DCLK1: variants seen among roughly 807,000 people sequenced by gnomAD.
The protein encoded by DCLK1 is serine/threonine-protein kinase DCLK1.
DCLK1 carries 16 observed loss-of-function variants against 86.2 expected under a neutral mutation model. That is an observed-to-expected ratio of 0.19 (90% CI 0.13 to 0.28). The LOEUF (loss-of-function observed/expected upper bound fraction) is 0.28, where lower values mean the gene tolerates loss of function less well. Among genes scored for constraint, DCLK1 ranks in the 10% least tolerant of loss-of-function variants. The pLI is 1.00. For missense variants in DCLK1, 590 were observed against 940.2 expected, an observed-to-expected ratio of 0.63 and a Z score of 4.87; for synonymous variants, 369 against 370.5, an observed-to-expected ratio of 1.00 and a Z score of 0.05.
intron 14 of DCLK1, among the ~76,000 whole-genome samples, chr13:35,806,891 C>T (rs1168083552): frequency 6.6e-6 from 1 of 152,134 alleles, no homozygotes; most frequent in Non-Finnish European, 1.5e-5. Flanking sequence ...GCTTCCTGGA[C>T]AGTTGAAGAA....
At chr13:35,838,291 T>C (rs906407949) in intron 7 of DCLK1, among the ~76,000 whole-genome samples, 18 of 152,058 alleles carry the variant, frequency 1.2e-4, no homozygotes, top group Non-Finnish European at 2.2e-4. Flanking sequence ...ATAAAAGCAC[T>C]TCCCAAAGGG....
At chr13:35,848,978 A>C in intron 6 of DCLK1, 1 of 985,260 alleles carries the variant, frequency 1.0e-6, no homozygotes. Context: ...CAGTTTTAAA[A>C]CCTGAAGTCT....
intron 3 of DCLK1, among the ~76,000 whole-genome samples, chr13:35,968,972 G>T (rs1049691130): frequency 6.6e-6 from 1 of 152,168 alleles, no homozygotes; most frequent in Non-Finnish European, 1.5e-5. Context: ...CTCATCTACA[G>T]TTCAAAACGA....
At chr13:35,947,300 G>T in intron 4 of DCLK1, 58 bp downstream of exon 4, 1 of 1,397,770 alleles carries the variant, frequency 7.2e-7, no homozygotes, top group Non-Finnish European at 1.0e-6. Flanking sequence ...GCCTGGTGCA[G>T]CTCATTTTCG....
At chr13:35,953,189 T>A (rs1203569816) in intron 3 of DCLK1, among the ~76,000 whole-genome samples, 1 of 152,170 alleles carries the variant, frequency 6.6e-6, no homozygotes, top group African/African-American at 2.4e-5. Flanking sequence ...TATTTGACAA[T>A]AATTTATTGG....
chr13:36,075,898 GC>G (rs1884191110), intron 3 of DCLK1, among the ~76,000 whole-genome samples: 1 of 152,046 alleles, frequency 6.6e-6, no homozygotes, highest in Admixed American at 6.5e-5. Context: ...AGTGGCACAT[GC>G]CTGTAGTCCC....
intron 3 of DCLK1, among the ~76,000 whole-genome samples, chr13:35,987,784 C>G (rs867973639): frequency 6.6e-6 from 1 of 152,178 alleles, no homozygotes; most frequent in Non-Finnish European, 1.5e-5. Flanking sequence ...CTTCTTTTCC[C>G]TCGGACTTGA....
intron 3 of DCLK1, among the ~76,000 whole-genome samples, chr13:36,088,675 G>C (rs1884703986): frequency 6.6e-6 from 1 of 152,218 alleles, no homozygotes; most frequent in South Asian, 2.1e-4. Flanking sequence ...GGGTCTGCGA[G>C]ACGTGCCGGG....
chr13:35,983,148 C>T (rs1186151730), intron 3 of DCLK1, among the ~76,000 whole-genome samples: 1 of 151,540 alleles, frequency 6.6e-6, no homozygotes, highest in African/African-American at 2.4e-5. Context: ...ATTTTAGAGA[C>T]AGGGTCTCAC....
At chr13:35,888,908 C>A (rs763400588) in intron 4 of DCLK1, among the ~76,000 whole-genome samples, 2 of 152,174 alleles carry the variant, frequency 1.3e-5, no homozygotes, top group Non-Finnish European at 2.9e-5. Flanking sequence ...ATTTCTATGA[C>A]AAACTTGGCC....
intron 6 of DCLK1, among the ~76,000 whole-genome samples, chr13:35,843,151 C>A (rs1276258908): frequency 2.6e-5 from 4 of 152,214 alleles, no homozygotes; most frequent in Middle Eastern, 3.4e-3. Flanking sequence ...AGCAGATAAA[C>A]CATTTTATAG....
At chr13:35,830,171 AGG>A (rs1449273868) in intron 8 of DCLK1, among the ~76,000 whole-genome samples, 3 of 152,110 alleles carry the variant, frequency 2.0e-5, no homozygotes, top group Non-Finnish European at 4.4e-5. Context: ...GGATCACTTG[AGG>A]TCAGGAGTTC....
intron 3 of DCLK1, among the ~76,000 whole-genome samples, chr13:36,039,373 G>C (rs2153154818): frequency 6.6e-6 from 1 of 152,294 alleles, no homozygotes; most frequent in East Asian, 1.9e-4. Flanking sequence ...TGAGCTGCAG[G>C]CAATTCTGGC....
intron 10 of DCLK1, among the ~76,000 whole-genome samples, chr13:35,826,549 A>G (rs1868472625): frequency 2.8e-5 from 1 of 35,746 alleles, no homozygotes; most frequent in African/African-American, 5.8e-5. Context: ...AAAAGAAAGA[A>G]AGAAAGAAAG....
At chr13:35,835,363 AAAGC>A (rs778143375) in intron 8 of DCLK1, among the ~76,000 whole-genome samples, 96 of 152,236 alleles carry the variant, frequency 6.3e-4, no homozygotes, top group Non-Finnish European at 9.7e-4. Context: ...CAGCTCCCCT[AAAGC>A]AAGCAGCTGC....
chr13:35,821,723 T>TA (rs35254513), intron 11 of DCLK1, among the ~76,000 whole-genome samples: 83,406 of 150,084 alleles, frequency 0.56, 26,595 homozygotes, highest in African/African-American at 0.86. Context: ...TATATTTCAT[T>TA]AAATTCCAGC....
intron 4 of DCLK1, among the ~76,000 whole-genome samples, chr13:35,911,388 C>T (rs924974233): frequency 6.6e-6 from 1 of 152,168 alleles, no homozygotes; most frequent in South Asian, 2.1e-4. Flanking sequence ...AATGGCCCCA[C>T]CTCTCCAGGG....
At chr13:36,066,694 C>A (rs996126402) in intron 3 of DCLK1, among the ~76,000 whole-genome samples, 5 of 141,442 alleles carry the variant, frequency 3.5e-5, no homozygotes, top group African/African-American at 1.3e-4. Flanking sequence ...CTACAATGAA[C>A]TCAAACAAAT....
chr13:35,823,758 T>C (rs1019196794), intron 10 of DCLK1, among the ~76,000 whole-genome samples: 26 of 152,168 alleles, frequency 1.7e-4, no homozygotes, highest in Non-Finnish European at 2.2e-4. Flanking sequence ...ACTGTGATCA[T>C]CTGTTACCTA....
Sources: allele counts gnomAD v4.1 joint callset (sites outside exome capture counted in the v4.1 genomes callset), GRCh38; gene constraint gnomAD v4.1.1; transcripts MANE v1.5; gene names NCBI Gene and HGNC (gene_info 2026-07-23, HGNC 2026-07-21).